SLIT2: variants seen among roughly 807,000 people sequenced by gnomAD.
The protein encoded by SLIT2 is slit homolog 2 protein.
In SLIT2, 41 loss-of-function variants were observed where a neutral mutation model predicts 185.7. That is an observed-to-expected ratio of 0.22 (90% CI 0.17 to 0.29). The LOEUF is 0.29. SLIT2 is among the 10% of genes least tolerant of loss of function. The pLI is 1.00. For synonymous variants in SLIT2, 693 were observed against 680.2 expected (o/e 1.02, Z -0.29); for missense variants, 1,571 against 1,909.0 (o/e 0.82, Z 3.30).
chr4:20,502,008 T>A (rs2148814160), intron 9 of SLIT2, among the ~76,000 whole-genome samples: 2 of 152,324 alleles, frequency 1.3e-5, no homozygotes, highest in Admixed American at 1.3e-4. Flanking sequence ...TGTACCTAAT[T>A]TCCCAAGAAG....
At chr4:20,517,694 C>T (rs1454528522) in intron 11 of SLIT2, among the ~76,000 whole-genome samples, 1 of 151,942 alleles carries the variant, frequency 6.6e-6, no homozygotes, top group African/African-American at 2.4e-5. Context: ...ATAATAGCAC[C>T]CGGCTTTATT....
intron 26 of SLIT2, among the ~76,000 whole-genome samples, chr4:20,564,315 A>T (rs1724921772): frequency 6.6e-6 from 1 of 151,560 alleles, no homozygotes. Context: ...TGCAAAGAAT[A>T]TTATTTCAAG....
intron 4 of SLIT2, among the ~76,000 whole-genome samples, chr4:20,378,339 T>C (rs1363997623): frequency 2.6e-5 from 4 of 152,216 alleles, no homozygotes; most frequent in Admixed American, 2.6e-4. Flanking sequence ...TCCTTGTTGC[T>C]AACTTAACAA....
chr4:20,569,525 T>C (rs915180760), intron 29 of SLIT2, among the ~76,000 whole-genome samples: 1 of 152,112 alleles, frequency 6.6e-6, no homozygotes, highest in Non-Finnish European at 1.5e-5. Flanking sequence ...CTAACACTTT[T>C]GTTTCTTTGG....
At chr4:20,364,013 G>A (rs1228420369) in intron 4 of SLIT2, among the ~76,000 whole-genome samples, 3 of 152,024 alleles carry the variant, frequency 2.0e-5, no homozygotes, top group Non-Finnish European at 2.9e-5. Flanking sequence ...TTATTTTCTT[G>A]TATATATGTC....
intron 29 of SLIT2, among the ~76,000 whole-genome samples, chr4:20,587,774 G>C (rs1002980646): frequency 2.6e-5 from 4 of 152,186 alleles, no homozygotes; most frequent in African/African-American, 9.7e-5. Context: ...ACATCACGTA[G>C]TAAATCCTTA....
chr4:20,436,885 G>T (rs960593820), intron 4 of SLIT2, among the ~76,000 whole-genome samples: 2 of 152,120 alleles, frequency 1.3e-5, no homozygotes, highest in African/African-American at 4.8e-5. Flanking sequence ...TACTTAAATT[G>T]ATGAGTAACA....
intron 6 of SLIT2, among the ~76,000 whole-genome samples, chr4:20,482,832 TG>T (rs1396627844): frequency 6.6e-6 from 1 of 151,830 alleles, no homozygotes; most frequent in Non-Finnish European, 1.5e-5. Context: ...TTACTTTAAA[TG>T]TTTTTTTTTC....
At chr4:20,524,216 C>T in intron 14 of SLIT2, 39 bp downstream of exon 14, 1 of 1,595,070 alleles carries the variant, frequency 6.3e-7, no homozygotes, top group Non-Finnish European at 8.6e-7. Context: ...TGACCAACAA[C>T]AATGGTTACA....
chr4:20,272,271 T>A (rs1174826824), intron 4 of SLIT2, among the ~76,000 whole-genome samples: 2 of 145,214 alleles, frequency 1.4e-5, no homozygotes, highest in South Asian at 2.2e-4. Flanking sequence ...GGTTGGAGGT[T>A]AAAAAAAAAA....
chr4:20,608,227 T>A (rs372304737), intron 33 of SLIT2, among the ~76,000 whole-genome samples: 1 of 152,088 alleles, frequency 6.6e-6, no homozygotes, highest in Non-Finnish European at 1.5e-5. Context: ...TTTATTAGCA[T>A]TTACTGAAGA....
At chr4:20,475,713 A>T (rs937398283) in intron 5 of SLIT2, among the ~76,000 whole-genome samples, 1 of 152,130 alleles carries the variant, frequency 6.6e-6, no homozygotes, top group Non-Finnish European at 1.5e-5. Context: ...GTTAGCAATT[A>T]TTATTATCAT....
intron 26 of SLIT2, among the ~76,000 whole-genome samples, chr4:20,561,870 T>A (rs1482734465): frequency 6.6e-6 from 1 of 151,816 alleles, no homozygotes; most frequent in Non-Finnish European, 1.5e-5. Flanking sequence ...AACAGATATT[T>A]ATTTTAATAG....
intron 4 of SLIT2, among the ~76,000 whole-genome samples, chr4:20,328,010 T>C (rs953521192): frequency 2.0e-5 from 3 of 152,022 alleles, no homozygotes; most frequent in African/African-American, 4.8e-5. Flanking sequence ...AGTTACGCAA[T>C]GGGAGAGTCA....
At position 20,369,875 on chromosome 4, in the gene SLIT2, G is replaced by A. The variant is rs570391102; in HGVS notation, c.396-97877G>A. Among the ~76,000 whole-genome samples, 80 of 152,228 alleles carry A rather than the reference G, an allele frequency of 5.3e-4. No individual in the cohort carries two copies. In the South Asian group the frequency reaches 0.015, roughly 28 times the overall value. On this transcript the variant is annotated intron_variant, in intron 4 of 36. Transcript: ENST00000504154. ...CTTTGATATCTTCTTAGAGACTCAT[G>A]TATCATTTTCAAGCTACCTTTCTCC...
chr4:20,376,343 A>T (rs1724018461), intron 4 of SLIT2, among the ~76,000 whole-genome samples: 1 of 151,962 alleles, frequency 6.6e-6, no homozygotes, highest in Non-Finnish European at 1.5e-5. Flanking sequence ...ACCCGTTGAA[A>T]AGTGTCTCAG....
At chr4:20,433,979 A>G (rs1206723435) in intron 4 of SLIT2, among the ~76,000 whole-genome samples, 2 of 152,260 alleles carry the variant, frequency 1.3e-5, no homozygotes, top group East Asian at 1.9e-4. Context: ...AGGACATAAA[A>G]TTTGCTTATC....
At chr4:20,582,045 C>T (rs1478340143) in intron 29 of SLIT2, among the ~76,000 whole-genome samples, 1 of 152,196 alleles carries the variant, frequency 6.6e-6, no homozygotes, top group African/African-American at 2.4e-5. Context: ...CTGTGCCCAG[C>T]CAGAGTGCTC....
In SLIT2 at chr4:20,388,943, TAC is replaced by T. The variant is rs1248759491; in HGVS notation, c.396-78807_396-78806del. On this transcript the variant is annotated intron_variant, in intron 4 of 36. Transcript: ENST00000504154. ...ATATAATATATAATATATACACACA[TAC>T]ATGTATATATGTCAAAAAATATATG... is the stretch of plus-strand genomic sequence containing the variant. Among the ~76,000 whole-genome samples, 84 of 145,332 alleles carry T rather than the reference TAC, an allele frequency of 5.8e-4. No homozygotes were observed. In the South Asian group the frequency reaches 0.015, roughly 25 times the overall value.
Sources: allele counts gnomAD v4.1 joint callset (sites outside exome capture counted in the v4.1 genomes callset), GRCh38; gene constraint gnomAD v4.1.1; transcripts MANE v1.5; gene names NCBI Gene and HGNC (gene_info 2026-07-23, HGNC 2026-07-21).